The following TRIM32 variants were observed in gnomAD, a reference collection of about 807,000 sequenced individuals.
TRIM32 encodes the protein E3 ubiquitin-protein ligase TRIM32.
Under a neutral mutation model 36.0 loss-of-function variants are expected in TRIM32, and 19 were observed. The ratio of observed to expected loss-of-function variants is 0.53; its 90% CI spans 0.37 to 0.77. The LOEUF (loss-of-function observed/expected upper bound fraction) is 0.77, where lower values mean the gene tolerates loss of function less well. TRIM32 is among the 30% of genes least tolerant of loss of function. The pLI is 0.00. For missense variants in TRIM32, 747 were observed against 845.2 expected (o/e 0.88, Z 1.44); for synonymous variants, 309 against 318.5 (o/e 0.97, Z 0.32).
At position 116,699,880 on chromosome 9, in the gene TRIM32, G is replaced by A. The variant is rs539458612; in HGVS notation, c.*176G>A. 3.8e-5 allele frequency: 31 copies of A among 816,728 alleles called. No individual in the cohort carries two copies. The highest frequency in any genetic ancestry group is 5.4e-5 in the East Asian group (2 of 37,334). The allele number at this position is 816,728 out of a possible 1,614,324, so 50.6% of individuals were successfully genotyped here. On this transcript the variant is annotated 3_prime_UTR_variant, in exon 2 of 2. Coordinates refer to ENST00000450136, the MANE Select transcript of TRIM32 (RefSeq NM_012210.4). This position sits in a 1 kb window ranked among gnomAD's most constrained non-coding sequence, Gnocchi z 4.2. ...TTTTATTTGTTATGTCCCCCTCCCC[G>A]CTTCCCACCTAAATTTAGAGCTTTA...
At position 116,697,711 on chromosome 9, in the gene TRIM32, C is replaced by G; in HGVS notation, c.-32C>G. On this transcript the variant is annotated 5_prime_UTR_variant, in exon 2 of 2. Coordinates refer to ENST00000450136, the MANE Select transcript of TRIM32 (RefSeq NM_012210.4). ...GAATACTGTGCTGTTCAGTTCTGAGCTGTGCTAGCAATACCCTTCAAAGGA... is the reference window on the plus strand; with the variant it reads ...GAATACTGTGCTGTTCAGTTCTGAGGTGTGCTAGCAATACCCTTCAAAGGA... 6.2e-7 allele frequency: 1 copy of G among 1,612,796 alleles called. No homozygotes were observed. The highest frequency in any genetic ancestry group is 8.5e-7 in the Non-Finnish European group (1 of 1,179,962).
intron 1 of TRIM32, among the ~76,000 whole-genome samples, chr9:116,693,285 C>G (rs1354075952): frequency 6.6e-6 from 1 of 152,106 alleles, no homozygotes; most frequent in African/African-American, 2.4e-5. Context: ...TGCCTGCTTC[C>G]CCACAACTTG....
intron 1 of TRIM32, among the ~76,000 whole-genome samples, chr9:116,694,200 A>T (rs1020361401): frequency 6.6e-6 from 1 of 152,116 alleles, no homozygotes; most frequent in Non-Finnish European, 1.5e-5. Context: ...GAAGCTTTTC[A>T]ATTGAAGGAG....
Position 116,697,706 on chromosome 9 carries a change from C to T in TRIM32, c.-37C>T. ...GGCATGAATACTGTGCTGTTCAGTT[C>T]TGAGCTGTGCTAGCAATACCCTTCA... On this transcript the variant is annotated 5_prime_UTR_variant, in exon 2 of 2. Coordinates refer to ENST00000450136, the MANE Select transcript of TRIM32 (RefSeq NM_012210.4). 6.2e-7 allele frequency: 1 copy of T among 1,612,428 alleles called. No individual in the cohort carries two copies. The highest frequency in any genetic ancestry group is 8.5e-7 in the Non-Finnish European group (1 of 1,179,906).
chr9:116,694,696 C>T (rs559441617), intron 1 of TRIM32, among the ~76,000 whole-genome samples: 1 of 148,806 alleles, frequency 6.7e-6, no homozygotes, highest in South Asian at 2.1e-4. Context: ...TGGTCTCGAT[C>T]TCCTGACCTC....
chr9:116,698,781 G>A lies in TRIM32; in HGVS notation c.1039G>A (p.Glu347Lys). The A allele has an allele frequency of 6.2e-7, 1 of 1,614,188 alleles. No homozygotes were observed. Among genetic ancestry groups the A allele is most frequent in the East Asian group, 2.2e-5 (1 of 44,870 alleles). Residue 347 changes from glutamate to lysine, a missense_variant, in exon 2 of 2, where the codon GAG becomes AAG. By Grantham distance (56) the Glu-to-Lys change is moderately conservative (BLOSUM62 1). Transcript: ENST00000450136. The surrounding 1 kb of genome is among the most constrained non-coding windows in gnomAD (Gnocchi z 4.4). ...RASPAKQRGP[E>K]AASNIQQCLF... ...CTCACCTGCTAAACAGCGGGGTCCT[G>A]AGGCAGCCTCCAATATCCAGCAGTG...
intron 1 of TRIM32, among the ~76,000 whole-genome samples, chr9:116,689,544 A>G (rs1477991236): frequency 6.6e-6 from 1 of 152,152 alleles, no homozygotes; most frequent in Non-Finnish European, 1.5e-5. Context: ...TTCCATAGCT[A>G]GGAATGACAC....
At position 116,699,349 on chromosome 9, in the gene TRIM32, A is replaced by G; in HGVS notation, c.1607A>G (p.Asn536Ser). The G allele has an allele frequency of 6.2e-7, 1 of 1,614,200 alleles. No homozygotes were observed. The highest frequency in any genetic ancestry group is 1.1e-5 in the South Asian group (1 of 91,080). ...TVYFTQGLGL[N>S]LENRQNEHHL... The stretch of plus-strand genomic sequence containing the variant: ...TACTTCACCCAGGGCTTAGGCCTCA[A>G]TCTGGAGAATCGGCAGAATGAGCAC... Residue 536 changes from asparagine to serine, a missense_variant, in exon 2 of 2, where the codon AAT (asparagine) becomes AGT (serine). Transcript: ENST00000450136. The surrounding 1 kb of genome is among the most constrained non-coding windows in gnomAD (Gnocchi z 4.2).
rs1193853696 is a variant in TRIM32 at position 116,698,045 on chromosome 9, G to C, written c.303G>C (p.Arg101=). 1 of 1,613,860 alleles carries C rather than the reference G, an allele frequency of 6.2e-7. No individual in the cohort carries two copies. Among genetic ancestry groups the C allele is most frequent in the Non-Finnish European group, 8.5e-7 (1 of 1,180,036 alleles). Residue 101 remains arginine, a synonymous_variant, in exon 2 of 2, where the codon CGG becomes CGC. Transcript: ENST00000450136. The surrounding 1 kb of genome is among the most constrained non-coding windows in gnomAD (Gnocchi z 4.4). ...LSEAVGLLMC[R]SCGRRLPRQF... is the part of the protein sequence containing the mutation. ...AGGCTGTGGGGCTGCTCATGTGTCG[G>C]TCCTGTGGGCGGCGTCTGCCCCGGC...
At chr9:116,696,159 AC>A (rs1860840192) in intron 1 of TRIM32, among the ~76,000 whole-genome samples, 1 of 152,152 alleles carries the variant, frequency 6.6e-6, no homozygotes, top group Non-Finnish European at 1.5e-5. Flanking sequence ...CTTGAAAATG[AC>A]GCTCAAAAAT....
intron 1 of TRIM32, among the ~76,000 whole-genome samples, chr9:116,692,361 A>C (rs1860614430): frequency 6.6e-6 from 1 of 152,182 alleles, no homozygotes; most frequent in Non-Finnish European, 1.5e-5. Flanking sequence ...TTCTTCTAAT[A>C]GGTTGGGTGG....
At chr9:116,697,260 A>C (rs1316921331) in intron 1 of TRIM32, 1 of 163,466 alleles carries the variant, frequency 6.1e-6, no homozygotes, top group Non-Finnish European at 1.4e-5. Context: ...ATTAGCATTT[A>C]TTACAAGTAT....
At position 116,698,290 on chromosome 9, in the gene TRIM32, C is replaced by G. The variant is rs1428454171; in HGVS notation, c.548C>G (p.Ala183Gly). ...AAGGACCTTCAGGCAAGGTATAAAG[C>G]AGTTCTCCAGGAGTATGGGCATGAG... ...VSKDLQARYK[A>G]VLQEYGHEER... The change falls in exon 2 of 2, where the codon GCA becomes GGA. Residue 183 changes from alanine (A) to glycine (G), a missense_variant. Coordinates refer to ENST00000450136, the MANE Select transcript of TRIM32 (RefSeq NM_012210.4). This position sits in a 1 kb window ranked among gnomAD's most constrained non-coding sequence, Gnocchi z 4.4. The G allele has an allele frequency of 6.2e-7, 1 of 1,614,182 alleles. No individual in the cohort carries two copies. Among genetic ancestry groups the G allele is most frequent in the South Asian group, 1.1e-5 (1 of 91,076 alleles).
Position 116,697,753 on chromosome 9 carries a change from C to T in TRIM32, c.11C>T (p.Ala4Val), listed in dbSNP as rs1013969321. 1.9e-6 allele frequency: 3 copies of T among 1,614,056 alleles called. No homozygotes were observed. The highest frequency in any genetic ancestry group is 1.3e-5 in the African/African-American group (1 of 75,054). Reference sequence around the variant, plus strand: ...TTCAAAGGAAGAGCAATGGCTGCAGCAGCAGCTTCTCACCTGAACCTGGAT... The same window carrying T: ...TTCAAAGGAAGAGCAATGGCTGCAGTAGCAGCTTCTCACCTGAACCTGGAT... MAA[A>V]AASHLNLDAL... Residue 4 changes from alanine (A) to valine (V), a missense_variant, in exon 2 of 2, where the codon GCA becomes GTA. Physicochemically the swap from Ala to Val is moderately conservative, Grantham distance 64. Transcript: ENST00000450136.
intron 1 of TRIM32, among the ~76,000 whole-genome samples, chr9:116,691,153 C>T (rs1226462887): frequency 6.6e-6 from 1 of 152,140 alleles, no homozygotes; most frequent in South Asian, 2.1e-4. Flanking sequence ...ATTTTGATAA[C>T]CCTAAGTAGT....
At chr9:116,693,169 T>G (rs1486234788) in intron 1 of TRIM32, among the ~76,000 whole-genome samples, 2 of 152,230 alleles carry the variant, frequency 1.3e-5, no homozygotes, top group Non-Finnish European at 2.9e-5. Context: ...ATCCTTTTAT[T>G]GTACACCTAA....
In TRIM32 at chr9:116,700,098, A is replaced by G. The variant is rs1861098209; in HGVS notation, c.*394A>G. The G allele has an allele frequency of 3.5e-6, 1 of 286,608 alleles. No individual in the cohort carries two copies. Among genetic ancestry groups the G allele is most frequent in the Non-Finnish European group, 7.1e-6 (1 of 141,640 alleles). 17.8% of individuals were successfully genotyped at this position (286,608 alleles called of 1,614,324 possible). A position where few individuals can be genotyped will look rare whatever the true frequency, so the allele number is the denominator to read the frequency against. ...CTTGATCCATTGTTTCCTTCCTACT[A>G]TAATGTGCTTCATCTGTGACACTTT... On this transcript the variant is annotated 3_prime_UTR_variant, in exon 2 of 2. Coordinates refer to ENST00000450136, the MANE Select transcript of TRIM32 (RefSeq NM_012210.4).
intron 1 of TRIM32, among the ~76,000 whole-genome samples, chr9:116,696,966 A>AG (rs1860890831): frequency 6.8e-6 from 1 of 146,032 alleles, no homozygotes; most frequent in Non-Finnish European, 1.5e-5. Flanking sequence ...AAAAAAAAAA[A>AG]GCCTCCACAC....
chr9:116,700,071 C>G lies in TRIM32; in HGVS notation c.*367C>G. The G allele has an allele frequency of 3.1e-6, 1 of 319,030 alleles. No homozygotes were observed. The highest frequency in any genetic ancestry group is 8.1e-5 in the East Asian group (1 of 12,280). The allele number at this position is 319,030 out of a possible 1,614,324, so 19.8% of individuals were successfully genotyped here. On this transcript the variant is annotated 3_prime_UTR_variant, in exon 2 of 2. Transcript: ENST00000450136. ...GATTTTTTCCCATTTGGCTTTGATG[C>G]CCTTGATCCATTGTTTCCTTCCTAC...
Sources: allele counts gnomAD v4.1 joint callset (sites outside exome capture counted in the v4.1 genomes callset), GRCh38; gene constraint gnomAD v4.1.1; non-coding constraint Gnocchi (gnomAD v3.1); transcripts MANE v1.5; gene names NCBI Gene and HGNC (gene_info 2026-07-23, HGNC 2026-07-21).